CARMIL1: variants seen among roughly 807,000 people sequenced by gnomAD.
CARMIL1 encodes F-actin-uncapping protein LRRC16A.
CARMIL1 carries 90 observed loss-of-function variants against 177.1 expected under a neutral mutation model. The ratio of observed to expected loss-of-function variants is 0.51; its 90% CI spans 0.43 to 0.61. The LOEUF is 0.61. Among genes scored for constraint, CARMIL1 ranks in the 20% least tolerant of loss-of-function variants. CARMIL1 has a pLI of 0.00. For missense variants in CARMIL1, 1,380 were observed against 1,667.0 expected, an observed-to-expected ratio of 0.83 and a Z score of 3.00; for synonymous variants, 577 against 606.2, an observed-to-expected ratio of 0.95 and a Z score of 0.71.
chr6:25,470,882 T>A (rs958563570), intron 9 of CARMIL1, among the ~76,000 whole-genome samples: 2 of 152,192 alleles, frequency 1.3e-5, no homozygotes, highest in Non-Finnish European at 2.9e-5. Flanking sequence ...ATTAGGTTTT[T>A]AACTGTGAAT....
chr6:25,484,327 T>C (rs561895379), intron 12 of CARMIL1, among the ~76,000 whole-genome samples: 1 of 152,362 alleles, frequency 6.6e-6, no homozygotes, highest in Non-Finnish European at 1.5e-5. Flanking sequence ...CTTGATGATT[T>C]TATATCCATG....
At position 25,402,619 on chromosome 6, in the gene CARMIL1, A is replaced by G. The variant is rs970969969; in HGVS notation, c.139-17495A>G. On this transcript the variant is annotated intron_variant, in intron 2 of 36. Transcript: ENST00000329474. ...TGATTTTTTCTTCTTCTAGAGCTGT[A>G]TGGTCCAGTATGATAGCCACTAGCC... Among the ~76,000 whole-genome samples, 16 of 152,332 alleles carry G rather than the reference A, an allele frequency of 1.1e-4. No homozygotes were observed. In the South Asian group the frequency reaches 2.5e-3, roughly 24 times the overall value.
chr6:25,605,964 C>T (rs942820227), intron 34 of CARMIL1, 97 bp from the exon 35 acceptor site: 52 of 770,872 alleles, frequency 6.7e-5, no homozygotes, highest in Admixed American at 2.9e-4. Context: ...TGATGAGAAA[C>T]GATGGCAAAT....
At chr6:25,530,189 A>G (rs777598773) in intron 24 of CARMIL1, among the ~76,000 whole-genome samples, 4 of 151,840 alleles carry the variant, frequency 2.6e-5, no homozygotes, top group Non-Finnish European at 4.4e-5. Context: ...CACCTAGAAT[A>G]CAGAAAAAAA....
At chr6:25,459,272 T>TCTATC in intron 8 of CARMIL1, among the ~76,000 whole-genome samples, 1 of 134,894 alleles carries the variant, frequency 7.4e-6, no homozygotes, top group Admixed American at 8.0e-5. Context: ...CTTTCTTTTT[T>TCTATC]TTTTTTTTAA....
chr6:25,353,575 A>G (rs1424557873), intron 2 of CARMIL1, among the ~76,000 whole-genome samples: 1 of 152,208 alleles, frequency 6.6e-6, no homozygotes, highest in Non-Finnish European at 1.5e-5. Flanking sequence ...AGCCAGCTGA[A>G]GGATGTCTTG....
At chr6:25,566,240 A>C (rs935309542) in intron 29 of CARMIL1, among the ~76,000 whole-genome samples, 2 of 152,214 alleles carry the variant, frequency 1.3e-5, no homozygotes, top group African/African-American at 4.8e-5. Context: ...ATTGGTATCT[A>C]AGGTGTCAAA....
At chr6:25,360,045 G>A (rs1789023532) in intron 2 of CARMIL1, among the ~76,000 whole-genome samples, 1 of 152,178 alleles carries the variant, frequency 6.6e-6, no homozygotes, top group African/African-American at 2.4e-5. Context: ...GTGTATCACT[G>A]TCCAAATGAG....
chr6:25,317,270 A>G (rs1784349121), intron 2 of CARMIL1, among the ~76,000 whole-genome samples: 1 of 152,038 alleles, frequency 6.6e-6, no homozygotes, highest in Non-Finnish European at 1.5e-5. Context: ...AGCTGGGACT[A>G]TAGGTGTGCA....
intron 2 of CARMIL1, among the ~76,000 whole-genome samples, chr6:25,343,822 CT>C (rs1787209058): frequency 6.6e-6 from 1 of 152,094 alleles, no homozygotes; most frequent in Non-Finnish European, 1.5e-5. Context: ...CCTCCTTCAG[CT>C]GTCTCAAGTG....
intron 33 of CARMIL1, among the ~76,000 whole-genome samples, chr6:25,604,331 C>T (rs1815728132): frequency 6.6e-6 from 1 of 152,166 alleles, no homozygotes; most frequent in African/African-American, 2.4e-5. Flanking sequence ...TCTCCCATCT[C>T]AGTTTCCCAA....
At position 25,324,747 on chromosome 6, in the gene CARMIL1, G is replaced by A. The variant is rs537068638; in HGVS notation, c.138+39838G>A. Among the ~76,000 whole-genome samples the A allele has an allele frequency of 1.1e-3, 169 of 152,288 alleles. 3 individuals are homozygous for A. Among genetic ancestry groups the A allele is most frequent in the South Asian group, 5.4e-3 (26 of 4,818 alleles). ...AAGAGCTGGGAGGATAGGAGATGGA[G>A]TAGGGTGATGGGTGCTGTTGGAGAT... is the stretch of plus-strand genomic sequence containing the variant. On this transcript the variant is annotated intron_variant, in intron 2 of 36. Transcript: ENST00000329474.
chr6:25,488,443 T>G (rs1802882460), intron 12 of CARMIL1, 39 bp from the exon 13 acceptor site: 2 of 1,449,780 alleles, frequency 1.4e-6, no homozygotes, highest in Non-Finnish European at 1.9e-6. Flanking sequence ...TTTTGTTTCC[T>G]GGAGTGCAAA....
At chr6:25,526,353 GA>G (rs1322856264) in intron 23 of CARMIL1, among the ~76,000 whole-genome samples, 1 of 151,378 alleles carries the variant, frequency 6.6e-6, no homozygotes, top group Non-Finnish European at 1.5e-5. Flanking sequence ...AAAAAAAAAA[GA>G]AAATGGACAT....
intron 2 of CARMIL1, among the ~76,000 whole-genome samples, chr6:25,307,678 C>T (rs180732883): frequency 2.4e-3 from 365 of 152,238 alleles, no homozygotes; most frequent in Non-Finnish European, 4.4e-3. Context: ...TGTATTTAGA[C>T]ATTGGGGAAA....
At chr6:25,427,779 G>C (rs1343153638) in intron 4 of CARMIL1, among the ~76,000 whole-genome samples, 3 of 152,062 alleles carry the variant, frequency 2.0e-5, no homozygotes, top group Non-Finnish European at 4.4e-5. Context: ...TTTCATTGTG[G>C]TTTTAATTTG....
At chr6:25,288,188 G>T (rs937569586) in intron 2 of CARMIL1, among the ~76,000 whole-genome samples, 4 of 152,198 alleles carry the variant, frequency 2.6e-5, no homozygotes, top group African/African-American at 9.7e-5. Flanking sequence ...AGAGAGTGGA[G>T]ACATGTTCTG....
intron 2 of CARMIL1, among the ~76,000 whole-genome samples, chr6:25,321,645 A>G (rs2473167): frequency 0.98 from 148,227 of 151,962 alleles, 72,317 homozygotes; most frequent in East Asian, 1. Context: ...TATTTATTTC[A>G]CTTATTTATT....
intron 4 of CARMIL1, among the ~76,000 whole-genome samples, chr6:25,428,298 T>A (rs556023805): frequency 6.6e-6 from 1 of 152,306 alleles, no homozygotes; most frequent in Non-Finnish European, 1.5e-5. Flanking sequence ...TATTGTTTCC[T>A]CACTGAGCTT....
Sources: allele counts gnomAD v4.1 joint callset (sites outside exome capture counted in the v4.1 genomes callset), GRCh38; gene constraint gnomAD v4.1.1; transcripts MANE v1.5; gene names NCBI Gene and HGNC (gene_info 2026-07-23, HGNC 2026-07-21).